The following WT1 variants were observed in gnomAD, a reference collection of about 807,000 sequenced individuals.
WT1 encodes Wilms tumor protein.
WT1 carries 8 observed loss-of-function variants against 60.8 expected under a neutral mutation model. The observed-to-expected ratio is 0.13, with a 90% CI of 0.08 to 0.24. The LOEUF (loss-of-function observed/expected upper bound fraction) is 0.24, where lower values mean the gene tolerates loss of function less well. WT1 is among the 10% of genes least tolerant of loss of function. WT1 has a pLI of 1.00. For synonymous variants in WT1, 312 were observed against 297.1 expected (o/e 1.05, Z -0.52); for missense variants, 568 against 711.8 (o/e 0.80, Z 2.30).
intron 5 of WT1, among the ~76,000 whole-genome samples, chr11:32,413,978 G>A (rs147345949): frequency 1.8e-4 from 28 of 152,292 alleles, no homozygotes; most frequent in African/African-American, 6.5e-4. Context: ...TGTCCTGGGG[G>A]TGTTGTAAGA....
chr11:32,432,758 G>A (rs1590405653), intron 1 of WT1, among the ~76,000 whole-genome samples: 1 of 152,214 alleles, frequency 6.6e-6, no homozygotes, highest in African/African-American at 2.4e-5. Context: ...CCCACGACAT[G>A]TGATAAGATC....
chr11:32,416,344 A>T, intron 5 of WT1, 146 bp downstream of exon 5: 1 of 972,486 alleles, frequency 1.0e-6, no homozygotes. Context: ...ATGAATAAGA[A>T]GAGGTGGGGG....
At position 32,418,692 on chromosome 11, in the gene WT1, C is replaced by A. The variant is rs1348501476; in HGVS notation, c.888-1038G>T. On this transcript the variant is annotated intron_variant, in intron 3 of 9. Coordinates refer to ENST00000452863, the MANE Select transcript of WT1 (RefSeq NM_024426.6). ...GCTGCTTCACTGGGCAGAGGCAACA[C>A]CAAATTTTAATTCAGAAAGGCTTTT... Among the ~76,000 whole-genome samples the A allele has an allele frequency of 6.6e-5, 10 of 152,252 alleles. No individual in the cohort carries two copies. The East Asian group carries it at 1.9e-3, about 29-fold the overall frequency.
At chr11:32,405,718 A>G (rs1852289252) in intron 5 of WT1, among the ~76,000 whole-genome samples, 1 of 152,188 alleles carries the variant, frequency 6.6e-6, no homozygotes, top group Admixed American at 6.5e-5. Context: ...TCAGGTAAGT[A>G]AATCACAGTG....
intron 2 of WT1, 28 bp downstream of exon 2, chr11:32,428,467 GAA>G: frequency 6.2e-7 from 1 of 1,613,698 alleles, no homozygotes; most frequent in African/African-American, 1.3e-5. Flanking sequence ...AAGAAGGGGA[GAA>G]GGACTCCACT....
intron 5 of WT1, among the ~76,000 whole-genome samples, chr11:32,413,854 T>C (rs556913164): frequency 4.6e-5 from 7 of 152,344 alleles, no homozygotes; most frequent in Middle Eastern, 3.4e-3. Flanking sequence ...GCCCAGGTCC[T>C]GGAGTCAGAC....
chr11:32,429,393 A>G (rs1853185823), intron 1 of WT1, among the ~76,000 whole-genome samples: 1 of 147,458 alleles, frequency 6.8e-6, no homozygotes, highest in African/African-American at 2.5e-5. Flanking sequence ...CTGACACTGT[A>G]TCTCCCTTTC....
intron 1 of WT1, chr11:32,430,579 C>A (rs775453593): frequency 6.2e-7 from 1 of 1,609,080 alleles, no homozygotes; most frequent in Non-Finnish European, 8.5e-7. Flanking sequence ...GGGCACTGCA[C>A]AATCCTCAGA....
At chr11:32,398,263 A>G (rs992956979) in intron 6 of WT1, among the ~76,000 whole-genome samples, 6 of 152,192 alleles carry the variant, frequency 3.9e-5, no homozygotes, top group Non-Finnish European at 7.3e-5. Flanking sequence ...TCTGGCCCAG[A>G]TACAACTTAT....
intron 5 of WT1, among the ~76,000 whole-genome samples, chr11:32,401,350 A>G (rs1212087954): frequency 6.6e-6 from 1 of 152,014 alleles, no homozygotes; most frequent in Non-Finnish European, 1.5e-5. Context: ...GAACTGGGGG[A>G]GTTGGGAAGG....
chr11:32,423,836 A>C (rs959695496), intron 3 of WT1, among the ~76,000 whole-genome samples: 1 of 152,230 alleles, frequency 6.6e-6, no homozygotes, highest in Non-Finnish European at 1.5e-5. Context: ...TGTTAAGTCT[A>C]CATAAGCATG....
At chr11:32,411,916 C>T (rs973847976) in intron 5 of WT1, among the ~76,000 whole-genome samples, 8 of 152,262 alleles carry the variant, frequency 5.3e-5, no homozygotes, top group African/African-American at 1.9e-4. Flanking sequence ...TTAAATGAAA[C>T]TTTAAACGGT....
chr11:32,417,207 C>T (rs3818055), intron 4 of WT1, among the ~76,000 whole-genome samples: 70,486 of 151,956 alleles, frequency 0.46, 19,428 homozygotes, highest in African/African-American at 0.75. Context: ...ATTTGGATCC[C>T]GGACTTTGCA....
At chr11:32,409,317 T>C (rs1178051167) in intron 5 of WT1, among the ~76,000 whole-genome samples, 3 of 152,174 alleles carry the variant, frequency 2.0e-5, no homozygotes, top group Non-Finnish European at 4.4e-5. Context: ...AACTTGAAAC[T>C]GTAAGACAAA....
intron 3 of WT1, among the ~76,000 whole-genome samples, chr11:32,426,883 C>T (rs868264102): frequency 2.2e-4 from 34 of 152,236 alleles, no homozygotes; most frequent in African/African-American, 7.9e-4. Context: ...ACTCCCGCCC[C>T]TCCTCCACCT....
intron 7 of WT1, among the ~76,000 whole-genome samples, chr11:32,393,794 G>A (rs549498682): frequency 3.3e-4 from 50 of 152,262 alleles, no homozygotes; most frequent in Admixed American, 2.6e-3. Flanking sequence ...CCCTCATTAC[G>A]ACATTTATTC....
rs749749213 is a variant in WT1 at position 32,388,974 on chromosome 11, G to C, written c.*84C>G. On this transcript the variant is annotated 3_prime_UTR_variant, in exon 10 of 10. Coordinates refer to ENST00000452863, the MANE Select transcript of WT1 (RefSeq NM_024426.6). ...AAGATCAACTGAAGTTTCCTTTTTA[G>C]TGAGGAGGAGTGGAGAGTCAGACTT... The C allele has an allele frequency of 1.2e-5, 19 of 1,604,352 alleles. No individual in the cohort carries two copies. Among genetic ancestry groups the C allele is most frequent in the Non-Finnish European group, 1.6e-5 (19 of 1,174,036 alleles).
chr11:32,417,498 A>T, intron 4 of WT1, 79 bp downstream of exon 4: 1 of 1,335,334 alleles, frequency 7.5e-7, no homozygotes, highest in Non-Finnish European at 1.1e-6. Flanking sequence ...TACTTTCTTC[A>T]TAAGTTCTAA....
At chr11:32,434,253 G>A (rs1853408868) in intron 1 of WT1, among the ~76,000 whole-genome samples, 1 of 152,198 alleles carries the variant, frequency 6.6e-6, no homozygotes, top group Admixed American at 6.5e-5. Flanking sequence ...CAGCACAGGC[G>A]CTCACCCCCG....
Sources: allele counts gnomAD v4.1 joint callset (sites outside exome capture counted in the v4.1 genomes callset), GRCh38; gene constraint gnomAD v4.1.1; transcripts MANE v1.5; gene names NCBI Gene and HGNC (gene_info 2026-07-23, HGNC 2026-07-21).